CEP112: variants seen among roughly 807,000 people sequenced by gnomAD.
The protein encoded by CEP112 is centrosomal protein of 112 kDa.
A neutral mutation model predicts 153.0 loss-of-function variants in CEP112; 127 were observed. The ratio of observed to expected loss-of-function variants is 0.83; its 90% CI spans 0.72 to 0.96. The LOEUF is 0.96. CEP112 is among the 40% of genes least tolerant of loss of function. CEP112 has a pLI of 0.00. For missense variants in CEP112, 1,089 were observed against 1,101.2 expected (o/e 0.99, Z 0.16); for synonymous variants, 358 against 374.4 (o/e 0.96, Z 0.51).
At chr17:65,676,196 G>GT (rs1386148068) in intron 24 of CEP112, among the ~76,000 whole-genome samples, 1 of 151,904 alleles carries the variant, frequency 6.6e-6, no homozygotes, top group Admixed American at 6.6e-5. Flanking sequence ...AATTAGCCAG[G>GT]TATGGTAGCA....
At chr17:66,039,114 T>C (rs1047691864) in intron 12 of CEP112, among the ~76,000 whole-genome samples, 10 of 152,342 alleles carry the variant, frequency 6.6e-5, no homozygotes, top group African/African-American at 2.4e-4. Context: ...AACAGAATGA[T>C]GATGATGCCA....
chr17:65,785,892 G>C (rs2054253533), intron 21 of CEP112, among the ~76,000 whole-genome samples: 1 of 152,038 alleles, frequency 6.6e-6, no homozygotes, highest in South Asian at 2.1e-4. Context: ...TGGATATCTA[G>C]TTGTCCCAGC....
At chr17:65,784,878 T>C (rs1045308855) in intron 21 of CEP112, among the ~76,000 whole-genome samples, 1 of 152,192 alleles carries the variant, frequency 6.6e-6, no homozygotes, top group Non-Finnish European at 1.5e-5. Context: ...AGTATATTCA[T>C]AGATCTGTAC....
chr17:65,720,991 T>TTCTCTCTC (rs780679393), intron 23 of CEP112, among the ~76,000 whole-genome samples: 1 of 140,420 alleles, frequency 7.1e-6, no homozygotes, highest in Admixed American at 7.0e-5. Flanking sequence ...CTTTTAAGTT[T>TTCTCTCTC]TATCTCTCTC....
At chr17:65,649,560 T>TA (rs201952242) in intron 24 of CEP112, among the ~76,000 whole-genome samples, 5,179 of 150,292 alleles carry the variant, frequency 0.034, 227 homozygotes, top group African/African-American at 0.099. Flanking sequence ...CTACTAAAAA[T>TA]AAAAAAAAAT....
intron 18 of CEP112, among the ~76,000 whole-genome samples, chr17:65,960,433 T>A (rs1231492727): frequency 6.6e-6 from 1 of 152,222 alleles, no homozygotes; most frequent in East Asian, 1.9e-4. Flanking sequence ...GCATTATGTA[T>A]GCATATAAAA....
chr17:66,149,304 T>A (rs573324251), intron 4 of CEP112, among the ~76,000 whole-genome samples: 1 of 152,236 alleles, frequency 6.6e-6, no homozygotes, highest in Non-Finnish European at 1.5e-5. Context: ...TCTTTCCTTG[T>A]ACCACATTTG....
At chr17:66,077,174 C>A (rs2067534275) in intron 8 of CEP112, among the ~76,000 whole-genome samples, 1 of 152,072 alleles carries the variant, frequency 6.6e-6, no homozygotes, top group Non-Finnish European at 1.5e-5. Context: ...CACACTAGCT[C>A]ACCAGCAATG....
intron 16 of CEP112, among the ~76,000 whole-genome samples, chr17:66,009,283 A>G (rs2064411791): frequency 6.7e-6 from 1 of 150,240 alleles, no homozygotes; most frequent in Non-Finnish European, 1.5e-5. Flanking sequence ...TTTAGTTTTG[A>G]TTTGCCTTTC....
At chr17:65,976,158 A>G (rs779436650) in intron 17 of CEP112, among the ~76,000 whole-genome samples, 1 of 152,230 alleles carries the variant, frequency 6.6e-6, no homozygotes, top group Non-Finnish European at 1.5e-5. Context: ...TATTGTCAGA[A>G]TGTCCCCCTC....
intron 8 of CEP112, among the ~76,000 whole-genome samples, chr17:66,078,103 C>T (rs2067569247): frequency 6.6e-6 from 1 of 152,200 alleles, no homozygotes; most frequent in South Asian, 2.1e-4. Context: ...CCAATTATCA[C>T]AGCACCATTT....
intron 24 of CEP112, among the ~76,000 whole-genome samples, chr17:65,676,084 T>G (rs2047221045): frequency 6.6e-6 from 1 of 152,326 alleles, no homozygotes; most frequent in Middle Eastern, 3.4e-3. Flanking sequence ...CACGTAGCAC[T>G]GCACACTCTG....
intron 17 of CEP112, among the ~76,000 whole-genome samples, chr17:65,963,658 TATAG>T (rs1568300492): frequency 6.8e-6 from 1 of 147,070 alleles, no homozygotes; most frequent in East Asian, 1.9e-4. Context: ...TCGATATAGA[TATAG>T]ATATAGATAG....
intron 24 of CEP112, among the ~76,000 whole-genome samples, chr17:65,648,981 G>A (rs1307222009): frequency 1.3e-5 from 2 of 152,092 alleles, no homozygotes; most frequent in Admixed American, 6.5e-5. Flanking sequence ...AAGCCAGGAC[G>A]TGGAGGTTGC....
intron 20 of CEP112, among the ~76,000 whole-genome samples, chr17:65,864,790 A>G (rs2058427271): frequency 6.6e-6 from 1 of 152,140 alleles, no homozygotes; most frequent in African/African-American, 2.4e-5. Flanking sequence ...AACCTCCCAG[A>G]TGAGTAAAGA....
At chr17:65,639,906 C>T (rs1435303175) in intron 25 of CEP112, among the ~76,000 whole-genome samples, 12 of 136,716 alleles carry the variant, frequency 8.8e-5, no homozygotes, top group African/African-American at 2.7e-4. Flanking sequence ...GGCGTGACCT[C>T]GGCTCACTGC....
chr17:65,812,292 C>T (rs1335985596), intron 21 of CEP112, among the ~76,000 whole-genome samples: 3 of 152,160 alleles, frequency 2.0e-5, no homozygotes, highest in Non-Finnish European at 4.4e-5. Flanking sequence ...CGTAAGCCAC[C>T]GCACCCGGCC....
intron 21 of CEP112, among the ~76,000 whole-genome samples, chr17:65,833,375 G>C (rs1193089025): frequency 6.6e-6 from 1 of 152,098 alleles, no homozygotes; most frequent in Non-Finnish European, 1.5e-5. Flanking sequence ...GCAAGAGACA[G>C]AAATAAAGGA....
Position 65,777,261 on chromosome 17 carries a change from G to A in CEP112, c.2395-26537C>T, listed in dbSNP as rs556679217. On this transcript the variant is annotated intron_variant, in intron 21 of 26. Transcript: ENST00000535342. ...CACAAAGTTGAGGACTGCACCACAG[G>A]GATGGCATAGGGTAAGCCAGACTGT... Among the ~76,000 whole-genome samples the A allele has an allele frequency of 3.0e-4, 45 of 152,252 alleles. 1 individual carries two copies. In the South Asian group the frequency reaches 8.7e-3, roughly 29 times the overall value.
Sources: allele counts gnomAD v4.1 joint callset (sites outside exome capture counted in the v4.1 genomes callset), GRCh38; gene constraint gnomAD v4.1.1; transcripts MANE v1.5; gene names NCBI Gene and HGNC (gene_info 2026-07-23, HGNC 2026-07-21).